Variants in GTF2I observed in about 807,000 individuals in gnomAD.
The protein encoded by GTF2I is general transcription factor IIi.
In GTF2I, 12 loss-of-function variants were observed where a neutral mutation model predicts 67.6. The observed-to-expected ratio is 0.18, with a 90% CI of 0.11 to 0.29. The LOEUF (loss-of-function observed/expected upper bound fraction) is 0.29, where lower values mean the gene tolerates loss of function less well. GTF2I is among the 10% of genes least tolerant of loss of function. The pLI, the probability that GTF2I is intolerant of heterozygous loss-of-function variation, is 1.00. For missense variants in GTF2I, 271 were observed against 580.1 expected (o/e 0.47, Z 5.47); for synonymous variants, 149 against 197.0 (o/e 0.76, Z 2.04).
intron 8 of GTF2I, among the ~76,000 whole-genome samples, chr7:74,708,526 G>A (rs7795282): frequency 0.78 from 118,563 of 151,522 alleles, 46,549 homozygotes; most frequent in East Asian, 0.94. Context: ...ATTGCCAGCC[G>A]GGCACAGCTG....
At chr7:74,667,012 G>A (rs1424850591) in intron 1 of GTF2I, among the ~76,000 whole-genome samples, 1 of 151,814 alleles carries the variant, frequency 6.6e-6, no homozygotes, top group East Asian at 1.9e-4. Context: ...AGGCGTGGTG[G>A]TGCGCACCTG....
At chr7:74,679,656 T>C (rs770476858) in intron 1 of GTF2I, among the ~76,000 whole-genome samples, 20 of 152,084 alleles carry the variant, frequency 1.3e-4, no homozygotes, top group Non-Finnish European at 2.2e-4. Flanking sequence ...CAGTTTGGTC[T>C]TGAACTCTAG....
At chr7:74,664,029 G>C (rs781840985) in intron 1 of GTF2I, among the ~76,000 whole-genome samples, 1 of 151,728 alleles carries the variant, frequency 6.6e-6, no homozygotes, top group Non-Finnish European at 1.5e-5. Context: ...GGGTTTCACC[G>C]TGTTGGCCAG....
intron 7 of GTF2I, among the ~76,000 whole-genome samples, 180 bp from the exon 8 acceptor site, chr7:74,706,210 G>A (rs1348863697): frequency 2.0e-5 from 3 of 152,218 alleles, no homozygotes; most frequent in Admixed American, 6.5e-5. Context: ...GAGCCACTGT[G>A]CCCGGCCCAA....
At chr7:74,678,003 CTT>C (rs1374499387) in intron 1 of GTF2I, among the ~76,000 whole-genome samples, 2 of 151,874 alleles carry the variant, frequency 1.3e-5, no homozygotes, top group Admixed American at 6.6e-5. Context: ...GGGACAAAAA[CTT>C]AGGTTTGGAC....
chr7:74,701,775 G>A (rs1339864776), intron 6 of GTF2I, among the ~76,000 whole-genome samples: 8 of 152,136 alleles, frequency 5.3e-5, no homozygotes, highest in African/African-American at 1.9e-4. Context: ...AAATTCACCT[G>A]TCTTAAGTAT....
intron 1 of GTF2I, among the ~76,000 whole-genome samples, chr7:74,660,229 C>T (rs1245597276): frequency 6.6e-5 from 10 of 151,346 alleles, no homozygotes; most frequent in African/African-American, 1.9e-4. Context: ...CGTTCTATCC[C>T]CCCAGGCTGG....
chr7:74,667,761 G>A (rs1028308370), intron 1 of GTF2I, among the ~76,000 whole-genome samples: 1 of 151,410 alleles, frequency 6.6e-6, no homozygotes, highest in Admixed American at 6.6e-5. Flanking sequence ...CAAACAATCT[G>A]CCTGCATCTG....
intron 1 of GTF2I, among the ~76,000 whole-genome samples, chr7:74,677,371 C>A (rs1805988898): frequency 6.6e-6 from 1 of 152,052 alleles, no homozygotes; most frequent in African/African-American, 2.4e-5. Flanking sequence ...ACTAATTTTT[C>A]CCTTGGCATT....
intron 9 of GTF2I, among the ~76,000 whole-genome samples, chr7:74,712,757 G>A (rs587764910): frequency 2.7e-5 from 4 of 149,756 alleles, no homozygotes; most frequent in Non-Finnish European, 5.9e-5. Flanking sequence ...TCCGCTTGCC[G>A]GGTTCAAGCA....
At chr7:74,662,997 C>T (rs1246009625) in intron 1 of GTF2I, among the ~76,000 whole-genome samples, 3 of 152,128 alleles carry the variant, frequency 2.0e-5, no homozygotes, top group Admixed American at 6.6e-5. Context: ...CTGGCATTTT[C>T]GATGACCCAT....
chr7:74,659,373 G>A (rs907813220), intron 1 of GTF2I, among the ~76,000 whole-genome samples: 1 of 151,854 alleles, frequency 6.6e-6, no homozygotes, highest in Non-Finnish European at 1.5e-5. Context: ...GACTACAGGC[G>A]CATGCCATCA....
rs1792569899 is a variant in GTF2I at position 74,718,728 on chromosome 7, T to C, written c.881-151T>C. The C allele has an allele frequency of 1.3e-5, 7 of 527,068 alleles. No homozygotes were observed. The South Asian group carries it at 1.8e-4, about 14-fold the overall frequency. The allele number at this position is 527,068 out of a possible 1,614,324, so 32.6% of individuals were successfully genotyped here. On this transcript the variant is annotated intron_variant, in intron 11 of 34. Coordinates refer to ENST00000573035, the MANE Select transcript of GTF2I (RefSeq NM_032999.4). ...TTATCCCTATTTATAATGACAAGGG[T>C]CAAATTTTAATTTCATTAATATGAA...
chr7:74,687,860 G>A (rs957201205), intron 1 of GTF2I, among the ~76,000 whole-genome samples: 4 of 152,072 alleles, frequency 2.6e-5, no homozygotes, highest in Non-Finnish European at 2.9e-5. Flanking sequence ...AAATTTTTCA[G>A]TTATCTTTCC....
chr7:74,723,619 A>C (rs139428341), intron 12 of GTF2I, among the ~76,000 whole-genome samples: 6 of 150,126 alleles, frequency 4.0e-5, no homozygotes, highest in Non-Finnish European at 8.9e-5. Flanking sequence ...TAGTACAGAC[A>C]GGGGTTTCAC....
chr7:74,688,890 G>T, intron 1 of GTF2I: 2 of 429,636 alleles, frequency 4.7e-6, no homozygotes, highest in African/African-American at 2.0e-5. Context: ...GATTTATTTG[G>T]GGTGTGATAT....
At chr7:74,675,532 T>A (rs1805820302) in intron 1 of GTF2I, among the ~76,000 whole-genome samples, 1 of 152,156 alleles carries the variant, frequency 6.6e-6, no homozygotes. Context: ...TGAGGAATCC[T>A]ATTTCTTTGA....
chr7:74,680,099 A>AATATATATATATATATATATATGT (rs1554393663), intron 1 of GTF2I, among the ~76,000 whole-genome samples: 1 of 95,002 alleles, frequency 1.1e-5, no homozygotes, highest in East Asian at 2.5e-4. Context: ...AAAAAAAAAA[A>AATATATATATATATATATATATGT]ATATATATAT....
intron 12 of GTF2I, among the ~76,000 whole-genome samples, chr7:74,721,511 T>C (rs1792989229): frequency 6.6e-6 from 1 of 152,024 alleles, no homozygotes; most frequent in Non-Finnish European, 1.5e-5. Context: ...ATGTCATATG[T>C]GCATATACAC....
Sources: gnomAD v4.1 joint callset for allele counts (sites outside exome capture counted in the v4.1 genomes callset) on GRCh38, gnomAD v4.1.1 for gene constraint, MANE v1.5 for transcripts, NCBI Gene and HGNC (gene_info 2026-07-23, HGNC 2026-07-21) for gene names.